MYH15: variants seen among roughly 807,000 people sequenced by gnomAD.
MYH15 encodes myosin-15.
In MYH15, 227 loss-of-function variants were observed where a neutral mutation model predicts 240.5. The observed-to-expected ratio is 0.94, with a 90% CI of 0.85 to 1.05. The LOEUF is 1.05. Ranked by LOEUF, MYH15 falls within the 50% of genes least tolerant of loss-of-function variation. MYH15 has a pLI of 0.00. For missense variants in MYH15, 2,217 were observed against 2,247.5 expected (o/e 0.99, Z 0.27); for synonymous variants, 785 against 796.7 (o/e 0.99, Z 0.25).
At chr3:108,468,580 A>G (rs2083142554) in intron 14 of MYH15, among the ~76,000 whole-genome samples, 1 of 152,210 alleles carries the variant, frequency 6.6e-6, no homozygotes, top group Non-Finnish European at 1.5e-5. Flanking sequence ...TGTTTGTAGA[A>G]AACCAAAGAC....
chr3:108,525,837 T>C (rs780291332), intron 1 of MYH15, among the ~76,000 whole-genome samples: 1 of 152,132 alleles, frequency 6.6e-6, no homozygotes, highest in Non-Finnish European at 1.5e-5. Context: ...ATGTCTGCTA[T>C]ATATTAAAAA....
At chr3:108,547,695 G>A in the MYH15 span, among the ~76,000 whole-genome samples, 32 of 152,186 alleles carry the variant, frequency 2.1e-4, no homozygotes, top group East Asian at 6.2e-3. Flanking sequence ...TATGGGTGAT[G>A]TCATATAGAC....
intron 1 of MYH15, among the ~76,000 whole-genome samples, chr3:108,516,718 T>C (rs1030916205): frequency 2.1e-4 from 32 of 152,202 alleles, no homozygotes; most frequent in African/African-American, 7.2e-4. Flanking sequence ...TACCTGCAAT[T>C]TATTTATTTA....
At chr3:108,473,542 T>C (rs1014550628) in intron 12 of MYH15, among the ~76,000 whole-genome samples, 4 of 152,162 alleles carry the variant, frequency 2.6e-5, no homozygotes, top group Admixed American at 2.0e-4. Flanking sequence ...TCACCTTGAG[T>C]GGTTAATCTT....
the MYH15 span, among the ~76,000 whole-genome samples, chr3:108,537,833 G>A: frequency 6.6e-6 from 1 of 152,228 alleles, no homozygotes; most frequent in African/African-American, 2.4e-5. Flanking sequence ...AATTAAAATG[G>A]GAAGAAAATA....
chr3:108,414,105 T>C, intron 30 of MYH15, 127 bp downstream of exon 30: 2 of 960,352 alleles, frequency 2.1e-6, no homozygotes, highest in East Asian at 2.6e-5. Flanking sequence ...GCTTTGGTTT[T>C]GGGCTTGTTC....
chr3:108,534,490 T>C, the MYH15 span, among the ~76,000 whole-genome samples: 5 of 152,172 alleles, frequency 3.3e-5, 1 homozygote, highest in African/African-American at 1.2e-4. Context: ...GTCTCAACTT[T>C]TTATCATAAA....
chr3:108,384,085 A>G (rs148158177), intron 39 of MYH15, among the ~76,000 whole-genome samples: 2 of 152,282 alleles, frequency 1.3e-5, no homozygotes, highest in Non-Finnish European at 2.9e-5. Flanking sequence ...CTTGTCTTTA[A>G]AATTATATGG....
At chr3:108,515,571 A>G (rs1349979521), upstream of MYH15, among the ~76,000 whole-genome samples, 1 of 152,196 alleles carries the variant, frequency 6.6e-6, no homozygotes, top group African/African-American at 2.4e-5. Context: ...TTGCCATCAA[A>G]ATATCCTTAA....
chr3:108,464,889 T>C, intron 14 of MYH15, 75 bp from the exon 15 acceptor site: 1 of 1,337,810 alleles, frequency 7.5e-7, no homozygotes, highest in East Asian at 2.5e-5. Context: ...GTATAAATTC[T>C]TTCCCAGGAA....
chr3:108,417,453 T>C (rs1231914750), intron 28 of MYH15, among the ~76,000 whole-genome samples: 1 of 152,202 alleles, frequency 6.6e-6, no homozygotes, highest in South Asian at 2.1e-4. Flanking sequence ...TTTAGATAAT[T>C]ATAACTTTTA....
chr3:108,482,438 C>T (rs2083274886), intron 11 of MYH15, among the ~76,000 whole-genome samples: 1 of 152,176 alleles, frequency 6.6e-6, no homozygotes, highest in Non-Finnish European at 1.5e-5. Context: ...GAGGAGATTA[C>T]ACATTTCATT....
intron 22 of MYH15, among the ~76,000 whole-genome samples, chr3:108,442,505 C>T (rs533430803): frequency 6.6e-6 from 1 of 152,202 alleles, no homozygotes; most frequent in South Asian, 2.1e-4. Context: ...GGTTGACAAG[C>T]AGAACAGTTT....
intron 10 of MYH15, among the ~76,000 whole-genome samples, chr3:108,485,743 G>GA (rs1035774916): frequency 6.6e-6 from 1 of 152,078 alleles, no homozygotes; most frequent in Non-Finnish European, 1.5e-5. Context: ...CCCCAGGAGG[G>GA]AAAAAATTGG....
intron 19 of MYH15, 47 bp downstream of exon 19, chr3:108,456,719 C>T: frequency 7.3e-7 from 1 of 1,374,026 alleles, no homozygotes; most frequent in Non-Finnish European, 1.0e-6. Flanking sequence ...GGGAGGAAAA[C>T]AGAATGAACT....
chr3:108,542,348 G>A, the MYH15 span, among the ~76,000 whole-genome samples: 3 of 152,066 alleles, frequency 2.0e-5, no homozygotes, highest in Non-Finnish European at 4.4e-5. Context: ...CACCATTATA[G>A]TATTATACAG....
In MYH15 at chr3:108,394,063, C is replaced by T. The variant is rs1444895313; in HGVS notation, c.5227G>A (p.Ala1743Thr). 5.0e-6 allele frequency: 8 copies of T among 1,613,992 alleles called. No individual in the cohort carries two copies. In the East Asian group the frequency reaches 6.7e-5, roughly 13 times the overall value. The stretch of plus-strand genomic sequence containing the variant: ...GCTGCCTTCTTGGCCTTCTCTTCTG[C>T]ATTTTGACACTCCTGCACCACCTCT... ...AEEVVQECQN[A>T]EEKAKKAAIE... Residue 1743 changes from alanine to threonine, a missense_variant, in exon 36 of 41, where the codon GCA (alanine) becomes ACA (threonine). Coordinates refer to ENST00000693548, the MANE Select transcript of MYH15 (RefSeq NM_014981.3).
chr3:108,535,505 TATC>T, the MYH15 span, among the ~76,000 whole-genome samples: 741 of 152,252 alleles, frequency 4.9e-3, 9 homozygotes, highest in Non-Finnish European at 4.1e-3. Flanking sequence ...CACATCCAAA[TATC>T]ATCATATTGG....
Position 108,410,636 on chromosome 3 carries a change from T to A in MYH15, c.4442A>T (p.Glu1481Val). The A allele has an allele frequency of 6.2e-7, 1 of 1,613,992 alleles. No individual in the cohort carries two copies. The highest frequency in any genetic ancestry group is 8.5e-7 in the Non-Finnish European group (1 of 1,179,880). The change falls in exon 31 of 41, where the codon GAG (glutamate) becomes GTG (valine). Residue 1481 changes from glutamate (E) to valine (V), a missense_variant. Coordinates refer to ENST00000693548, the MANE Select transcript of MYH15 (RefSeq NM_014981.3). ...TGTCTCCTGGCCCACGATGCTCTCC[T>A]CATAGGTGTTCTTGAGCTTGAGGAG... ...TELLKLKNTYEESIVGQETLR... is the reference protein window; with the variant it reads ...TELLKLKNTYVESIVGQETLR...
Sources: gnomAD v4.1 joint callset for allele counts (sites outside exome capture counted in the v4.1 genomes callset) on GRCh38, gnomAD v4.1.1 for gene constraint, MANE v1.5 for transcripts, NCBI Gene and HGNC (gene_info 2026-07-23, HGNC 2026-07-21) for gene names.